Variants in PREPL observed in about 807,000 individuals in gnomAD.
PREPL encodes the protein prolyl endopeptidase-like.
PREPL carries 77 observed loss-of-function variants against 70.6 expected under a neutral mutation model. The ratio of observed to expected loss-of-function variants is 1.09; its 90% CI spans 0.91 to 1.32. PREPL has a LOEUF of 1.32. Among genes scored for constraint, PREPL ranks in the 40% most tolerant of loss-of-function variants. The probability of loss-of-function intolerance (pLI) is 0.00; values close to 1 mark genes in which losing one functional copy is unlikely to be tolerated. For missense variants in PREPL, 1,002 were observed against 778.2 expected (o/e 1.29, Z -3.42); for synonymous variants, 315 against 264.8 (o/e 1.19, Z -1.84).
In PREPL at chr2:44,346,007, T is replaced by C. The variant is rs150123540; in HGVS notation, c.75+261A>G. Among the ~76,000 whole-genome samples the C allele has an allele frequency of 7.1e-3, 1,075 of 152,132 alleles. 4 individuals carry two copies. The highest frequency in any genetic ancestry group is 0.023 in the South Asian group (111 of 4,820). The stretch of plus-strand genomic sequence containing the variant: ...TTTTTTTTTTTTAAATCGGAACTGA[T>C]TGTTTGCAAAAACCAGAATTAATAT... On this transcript the variant is annotated intron_variant, in intron 2 of 13. Transcript: ENST00000409411.
intron 1 of PREPL, chr2:44,356,165 T>C (rs1677020980): frequency 6.6e-6 from 1 of 152,182 alleles, no homozygotes; most frequent in South Asian, 2.1e-4. Context: ...CAACACTTGA[T>C]CATCAAACAT....
intron 1 of PREPL, among the ~76,000 whole-genome samples, chr2:44,356,808 C>T (rs1677092730): frequency 1.7e-5 from 1 of 59,356 alleles, no homozygotes; most frequent in Non-Finnish European, 3.8e-5. Flanking sequence ...TTGAAACTCC[C>T]TATTTTTTTT....
At chr2:44,340,248 A>G (rs1008535895) in intron 5 of PREPL, among the ~76,000 whole-genome samples, 4 of 152,046 alleles carry the variant, frequency 2.6e-5, no homozygotes, top group African/African-American at 9.7e-5. Context: ...ATTCATGAAG[A>G]TATTTTCCCC....
In PREPL at chr2:44,320,279, CAG is replaced by C. The variant is rs777575410; in HGVS notation, c.*1075_*1076del. The C allele has an allele frequency of 2.4e-5, 39 of 1,614,056 alleles. No homozygotes were observed. Among genetic ancestry groups the C allele is most frequent in the Non-Finnish European group, 3.1e-5 (36 of 1,179,912 alleles). On this transcript the variant is annotated 3_prime_UTR_variant, in exon 14 of 14. Transcript: ENST00000409411. ...TTCATGCCAATGAGCTACTCCTCAA[CAG>C]GGGCTGGTTTTGCCATTTGAGGAAT...
chr2:44,325,878 T>C (rs180890041), intron 10 of PREPL, among the ~76,000 whole-genome samples: 5 of 152,356 alleles, frequency 3.3e-5, no homozygotes, highest in East Asian at 1.9e-4. Flanking sequence ...ACTGCTACAA[T>C]GTAACTTCGT....
At position 44,328,993 on chromosome 2, in the gene PREPL, C is replaced by A. The variant is rs1673817517; in HGVS notation, c.1206G>T (p.Arg402Ser). Residue 402 changes from arginine (R) to serine (S), a missense_variant, in exon 9 of 14, where the codon AGG (arginine) becomes AGT (serine). Coordinates refer to ENST00000409411, the MANE Select transcript of PREPL (RefSeq NM_001171613.2). ...AYGMDLKMNF[R>S]PERRVLVDDG... The stretch of plus-strand genomic sequence containing the variant: ...CATCCACCAGGACCCGCCTCTCAGG[C>A]CTGAAATTCATTTTCAAATCCATTC... The A allele has an allele frequency of 6.2e-7, 1 of 1,614,106 alleles. No individual in the cohort carries two copies. The highest frequency in any genetic ancestry group is 8.5e-7 in the Non-Finnish European group (1 of 1,180,006).
At chr2:44,344,786 CTA>C (rs1409680653) in intron 2 of PREPL, among the ~76,000 whole-genome samples, 200 bp from the exon 3 acceptor site, 1 of 152,102 alleles carries the variant, frequency 6.6e-6, no homozygotes, top group Non-Finnish European at 1.5e-5. Context: ...TTCATAACCA[CTA>C]GAGGGGTTTT....
chr2:44,349,327 A>C (rs559036354), intron 1 of PREPL, among the ~76,000 whole-genome samples: 1 of 152,324 alleles, frequency 6.6e-6, no homozygotes, highest in Admixed American at 6.5e-5. Flanking sequence ...GCCAGAAAAT[A>C]AGGAAGTGCT....
chr2:44,339,365 TAGAG>T lies in PREPL; in HGVS notation c.486-6_486-3del, dbSNP rs750292662. 1.8e-5 allele frequency: 27 copies of T among 1,534,926 alleles called. No homozygotes were observed. Among genetic ancestry groups the T allele is most frequent in the African/African-American group, 9.6e-5 (7 of 72,680 alleles). ...GTAAGATAAAGGAAAACAAAGTAGCTAGAGAGAGAGAGAGAGACATGAGATCACA... is the reference window on the plus strand; with the variant it reads ...GTAAGATAAAGGAAAACAAAGTAGCTAGAGAGAGAGAGACATGAGATCACA... On this transcript the variant is annotated splice_polypyrimidine_tract_variant and splice_region_variant and intron_variant, in intron 5 of 13. Transcript: ENST00000409411.
chr2:44,337,724 G>T (rs1276129629), intron 7 of PREPL, among the ~76,000 whole-genome samples: 6 of 152,196 alleles, frequency 3.9e-5, no homozygotes, highest in African/African-American at 1.4e-4. Flanking sequence ...ATTTTAGGAA[G>T]TTCACTTGTG....
chr2:44,337,925 GCATGTAGTGGCTAAAAA>G (rs1674800175), intron 7 of PREPL, among the ~76,000 whole-genome samples: 1 of 152,202 alleles, frequency 6.6e-6, no homozygotes, highest in African/African-American at 2.4e-5. Context: ...GCAGACAAAA[GCATGTAGTGGCTAAAAA>G]CACAGTGGAT....
Position 44,339,369 on chromosome 2 carries a change from G to A in PREPL, c.486-6C>T. The stretch of plus-strand genomic sequence containing the variant: ...GATAAAGGAAAACAAAGTAGCTAGA[G>A]AGAGAGAGAGAGACATGAGATCACA... On this transcript the variant is annotated splice_region_variant and splice_polypyrimidine_tract_variant and intron_variant, in intron 5 of 13. Coordinates refer to ENST00000409411, the MANE Select transcript of PREPL (RefSeq NM_001171613.2). 6.3e-7 allele frequency: 1 copy of A among 1,584,918 alleles called. No individual in the cohort carries two copies. The highest frequency in any genetic ancestry group is 1.1e-5 in the South Asian group (1 of 89,462).
At chr2:44,323,058 G>C (rs918172037) in intron 11 of PREPL, among the ~76,000 whole-genome samples, 1 of 152,114 alleles carries the variant, frequency 6.6e-6, no homozygotes, top group African/African-American at 2.4e-5. Context: ...AAGGACCTTA[G>C]CTAATTTAGT....
intron 4 of PREPL, 127 bp downstream of exon 4, chr2:44,343,618 T>C (rs545778259): frequency 6.1e-5 from 46 of 748,666 alleles, no homozygotes; most frequent in Non-Finnish European, 8.9e-5. Flanking sequence ...CATAGGAAGA[T>C]GTATAGTCCA....
intron 1 of PREPL, among the ~76,000 whole-genome samples, chr2:44,355,484 G>A (rs1233667807): frequency 6.6e-6 from 1 of 152,166 alleles, no homozygotes; most frequent in African/African-American, 2.4e-5. Flanking sequence ...GGGAGGTGGA[G>A]GTTGCAGTGA....
Position 44,346,288 on chromosome 2 carries a change from A to G in PREPL, c.55T>C (p.Tyr19His). The change falls in exon 2 of 14, where the codon TAT becomes CAT. Residue 19 changes from tyrosine (Y) to histidine (H), a missense_variant. Physicochemically the swap from Tyr to His is moderately conservative, Grantham distance 83. Coordinates refer to ENST00000409411, the MANE Select transcript of PREPL (RefSeq NM_001171613.2). ...TKLETQPQEEYEIINVEVKHG... is the reference protein window; with the variant it reads ...TKLETQPQEEHEIINVEVKHG... The stretch of plus-strand genomic sequence containing the variant: ...CTTACTTCCACATTGATGATTTCAT[A>G]TTCTTCTTGTGGCTGTGTTTCTAAT... The G allele has an allele frequency of 6.2e-7, 1 of 1,612,094 alleles. No homozygotes were observed. The highest frequency in any genetic ancestry group is 8.5e-7 in the Non-Finnish European group (1 of 1,179,216).
In PREPL at chr2:44,320,615, G is replaced by A. The variant is rs1301672987; in HGVS notation, c.*741C>T. The A allele has an allele frequency of 1.2e-6, 2 of 1,613,840 alleles. No homozygotes were observed. The highest frequency in any genetic ancestry group is 1.7e-6 in the Non-Finnish European group (2 of 1,179,840). Reference sequence around the variant, plus strand: ...ATCGAGCATGCTATTCCAGTGTACTGAACATACTGTATACCTCGTGTTAGG... The same window carrying A: ...ATCGAGCATGCTATTCCAGTGTACTAAACATACTGTATACCTCGTGTTAGG... On this transcript the variant is annotated 3_prime_UTR_variant, in exon 14 of 14. Transcript: ENST00000409411.
chr2:44,329,408 A>G (rs1431169018), intron 8 of PREPL, among the ~76,000 whole-genome samples: 2 of 152,198 alleles, frequency 1.3e-5, no homozygotes, highest in East Asian at 3.8e-4. Context: ...GTTCTTCACT[A>G]CCTACTATAA....
Position 44,323,297 on chromosome 2 carries a change from T to G in PREPL, c.1594A>C (p.Lys532Gln). Reference protein sequence around the residue: ...SSDEKHKNYIKRYCPYQNIKP... With the variant: ...SSDEKHKNYIQRYCPYQNIKP... ...ATATTTTGATAGGGACAGTAACGTT[T>G]TATGTAGTTCTTGTGTTTTTCATCA... Residue 532 changes from lysine (K) to glutamine (Q), a missense_variant, in exon 11 of 14, where the codon AAA (lysine) becomes CAA (glutamine). Coordinates refer to ENST00000409411, the MANE Select transcript of PREPL (RefSeq NM_001171613.2). 1.2e-6 allele frequency: 2 copies of G among 1,607,966 alleles called. No homozygotes were observed.
Sources: allele counts gnomAD v4.1 joint callset (sites outside exome capture counted in the v4.1 genomes callset), GRCh38; gene constraint gnomAD v4.1.1; transcripts MANE v1.5; gene names NCBI Gene and HGNC (gene_info 2026-07-23, HGNC 2026-07-21).